The following AGAP1 variants were observed in gnomAD, a reference collection of about 807,000 sequenced individuals.
AGAP1 encodes ArfGAP with GTPase domain, ankyrin repeat and PH domain 1.
In AGAP1, 29 loss-of-function variants were observed where a neutral mutation model predicts 105.3. The ratio of observed to expected loss-of-function variants is 0.28; its 90% CI spans 0.21 to 0.38. The LOEUF (loss-of-function observed/expected upper bound fraction) is 0.38. Among genes scored for constraint, AGAP1 ranks in the 10% least tolerant of loss-of-function variants. The pLI is 1.00. For synonymous variants in AGAP1, 509 were observed against 485.9 expected (o/e 1.05, Z -0.63); for missense variants, 998 against 1,165.1 (o/e 0.86, Z 2.09).
rs13410786 is a variant in AGAP1 at position 235,747,798 on chromosome 2, T to C, written c.539-2556T>C. On this transcript the variant is annotated intron_variant, in intron 5 of 17. Coordinates refer to ENST00000304032, the MANE Select transcript of AGAP1 (RefSeq NM_001037131.3). The surrounding 1 kb of genome is among the most constrained non-coding windows in gnomAD (Gnocchi z 5.0). ...GAGACAAAAGAGGGATCAGGTTGTC[T>C]AGGAAGGCACCTGGCATTTCTCTTC... Among the ~76,000 whole-genome samples the C allele has an allele frequency of 0.021, 3,252 of 152,324 alleles. 101 individuals are homozygous for C. The highest frequency in any genetic ancestry group is 0.067 in the African/African-American group (2,796 of 41,570).
At chr2:235,667,056 G>A (rs1948149780) in intron 1 of AGAP1, among the ~76,000 whole-genome samples, 2 of 152,108 alleles carry the variant, frequency 1.3e-5, no homozygotes, top group Non-Finnish European at 2.9e-5. Flanking sequence ...CAGCTGCAGT[G>A]ATAAAATTTT....
intron 8 of AGAP1, among the ~76,000 whole-genome samples, chr2:235,805,118 G>C (rs1310739268): frequency 6.6e-6 from 1 of 152,208 alleles, no homozygotes; most frequent in Non-Finnish European, 1.5e-5. Flanking sequence ...AAACTCTTTT[G>C]CCTAACATCT....
intron 1 of AGAP1, among the ~76,000 whole-genome samples, chr2:235,521,464 A>G (rs550676003): frequency 2.6e-5 from 4 of 152,314 alleles, no homozygotes; most frequent in African/African-American, 9.6e-5. Context: ...CTCTTCACCT[A>G]TAACTATTTT....
rs76701186 is a variant in AGAP1, at chr2:235,792,062, A to G, written c.674-5697A>G. On this transcript the variant is annotated intron_variant, in intron 6 of 17. Coordinates refer to ENST00000304032, the MANE Select transcript of AGAP1 (RefSeq NM_001037131.3). This position sits in a 1 kb window ranked among gnomAD's most constrained non-coding sequence, Gnocchi z 5.3. ...TTATTGGAGGTGTGGTTCGTACTTTATAATCCCTACCTAACAGTGCTTACT... is the reference window on the plus strand; with the variant it reads ...TTATTGGAGGTGTGGTTCGTACTTTGTAATCCCTACCTAACAGTGCTTACT... 0.033 allele frequency among the ~76,000 whole-genome samples: 4,964 copies of G among 152,250 alleles called. 261 individuals carry two copies. Among genetic ancestry groups the G allele is most frequent in the African/African-American group, 0.11 (4,614 of 41,530 alleles).
chr2:235,683,374 A>C (rs1949194681), intron 1 of AGAP1, among the ~76,000 whole-genome samples: 1 of 152,136 alleles, frequency 6.6e-6, no homozygotes, highest in African/African-American at 2.4e-5. Context: ...TATTTTAGAT[A>C]CCATTGTTTT....
chr2:235,521,179 T>C (rs1559220220), intron 1 of AGAP1, among the ~76,000 whole-genome samples: 1 of 152,220 alleles, frequency 6.6e-6, no homozygotes, highest in Non-Finnish European at 1.5e-5. Flanking sequence ...TTGCTTTTCC[T>C]CTTTAGGGTG....
Position 235,719,959 on chromosome 2 carries a change from C to A in AGAP1, c.310+2315C>A, listed in dbSNP as rs373771582. Among the ~76,000 whole-genome samples the A allele has an allele frequency of 1.3e-5, 2 of 152,166 alleles. No homozygotes were observed. Among genetic ancestry groups the A allele is most frequent in the African/African-American group, 4.8e-5 (2 of 41,444 alleles). The stretch of plus-strand genomic sequence containing the variant: ...ATTCATGCTTCTCATGGCTGAGCCA[C>A]CTTTCCCGTGTAGAACCAAGCAGGT... On this transcript the variant is annotated intron_variant, in intron 3 of 17. Transcript: ENST00000304032. This position sits in a 1 kb window ranked among gnomAD's most constrained non-coding sequence, Gnocchi z 4.9.
intron 16 of AGAP1, among the ~76,000 whole-genome samples, chr2:236,079,290 G>A (rs1385171105): frequency 6.1e-5 from 9 of 147,664 alleles, no homozygotes; most frequent in African/African-American, 1.5e-4. Flanking sequence ...GAGGCCAAGC[G>A]GGAGAGTTTC....
rs1435819910 is a variant in AGAP1 at position 235,856,962 on chromosome 2, G to A, written c.1051-26383G>A. 2.0e-5 allele frequency among the ~76,000 whole-genome samples: 3 copies of A among 152,200 alleles called. No homozygotes were observed. The South Asian group carries it at 6.2e-4, about 32-fold the overall frequency. ...AGTGCCTGAAAGAATGCCGCTGTAG[G>A]GAAACATGAAGACACACACACTCAG... is the stretch of plus-strand genomic sequence containing the variant. On this transcript the variant is annotated intron_variant, in intron 9 of 17. Coordinates refer to ENST00000304032, the MANE Select transcript of AGAP1 (RefSeq NM_001037131.3).
intron 8 of AGAP1, among the ~76,000 whole-genome samples, chr2:235,805,557 AT>A (rs984713609): frequency 3.3e-5 from 5 of 152,036 alleles, no homozygotes; most frequent in African/African-American, 2.4e-5. Context: ...TTAAAAAAAA[AT>A]TTTTTTAATG....
rs187577772 is a variant in AGAP1, at chr2:235,589,940, G to A, written c.163+95091G>A. Among the ~76,000 whole-genome samples the A allele has an allele frequency of 5.3e-3, 804 of 152,064 alleles. 3 individuals are homozygous for A. The highest frequency in any genetic ancestry group is 9.3e-3 in the Non-Finnish European group (631 of 67,974). On this transcript the variant is annotated intron_variant, in intron 1 of 17. Coordinates refer to ENST00000304032, the MANE Select transcript of AGAP1 (RefSeq NM_001037131.3). Reference sequence around the variant, plus strand: ...CTGTCGCCCAGGCTGGAGTGCAGTGGTGCAATCTCAGCTCATGGCAGCCTC... The same window carrying A: ...CTGTCGCCCAGGCTGGAGTGCAGTGATGCAATCTCAGCTCATGGCAGCCTC...
At position 235,787,435 on chromosome 2, in the gene AGAP1, CTCTT is replaced by C. The variant is rs1488188316; in HGVS notation, c.674-10322_674-10319del. On this transcript the variant is annotated intron_variant, in intron 6 of 17. Coordinates refer to ENST00000304032, the MANE Select transcript of AGAP1 (RefSeq NM_001037131.3). The surrounding 1 kb of genome is among the most constrained non-coding windows in gnomAD (Gnocchi z 4.4). Reference sequence around the variant, plus strand: ...TTGTCTGCATCATAGACACACGCCTCTCTTTATAGCACTTTCTATATCCCACATG... The same window carrying C: ...TTGTCTGCATCATAGACACACGCCTCTATAGCACTTTCTATATCCCACATG... Among the ~76,000 whole-genome samples the C allele has an allele frequency of 3.3e-5, 5 of 152,232 alleles. No homozygotes were observed. The highest frequency in any genetic ancestry group is 7.3e-5 in the Non-Finnish European group (5 of 68,044).
At chr2:236,066,570 C>G (rs2058351510) in intron 16 of AGAP1, among the ~76,000 whole-genome samples, 1 of 152,198 alleles carries the variant, frequency 6.6e-6, no homozygotes, top group Non-Finnish European at 1.5e-5. Flanking sequence ...GTCCCAGTAT[C>G]ATGCCATTCT....
At position 235,814,377 on chromosome 2, in the gene AGAP1, G is replaced by A. The variant is rs147082685; in HGVS notation, c.1050+7046G>A. Among the ~76,000 whole-genome samples, 439 of 152,308 alleles carry A rather than the reference G, an allele frequency of 2.9e-3. 2 individuals carry two copies. Among genetic ancestry groups the A allele is most frequent in the East Asian group, 0.02 (103 of 5,172 alleles). ...ATTCCCCTTGAGCTCAGAAATACAA[G>A]CTCTCCTACAAGTAGAGGAAAGATT... On this transcript the variant is annotated intron_variant, in intron 9 of 17. Coordinates refer to ENST00000304032, the MANE Select transcript of AGAP1 (RefSeq NM_001037131.3).
At chr2:236,110,135 A>C (rs140777797) in intron 16 of AGAP1, among the ~76,000 whole-genome samples, 1 of 152,334 alleles carries the variant, frequency 6.6e-6, no homozygotes, top group Non-Finnish European at 1.5e-5. Flanking sequence ...TTCTCCTCTA[A>C]GATGGGGGTA....
In AGAP1 at chr2:235,773,907, T is replaced by TGAA. The variant is rs142218035; in HGVS notation, c.673+23421_673+23422insAGA. 2,690 of 454,388 alleles carry TGAA rather than the reference T, an allele frequency of 5.9e-3. 54 individuals are homozygous for TGAA. Among genetic ancestry groups the TGAA allele is most frequent in the African/African-American group, 0.051 (2,505 of 48,928 alleles). 28.1% of individuals were successfully genotyped at this position (454,388 alleles called of 1,614,324 possible). A position where few individuals can be genotyped will look rare whatever the true frequency, so the allele number is the denominator to read the frequency against. Reference sequence around the variant, plus strand: ...GAGACTTTTTTCTTCTTTTCTTGCTTGAGATATTTTACGTTTGAAGACAAT... The same window carrying TGAA: ...GAGACTTTTTTCTTCTTTTCTTGCTTGAAGAGATATTTTACGTTTGAAGACAAT... On this transcript the variant is annotated intron_variant, in intron 6 of 17. Transcript: ENST00000304032.
At chr2:235,522,040 C>G (rs973219157) in intron 1 of AGAP1, among the ~76,000 whole-genome samples, 1 of 152,122 alleles carries the variant, frequency 6.6e-6, no homozygotes. Context: ...TTGAATACAT[C>G]GGATGTAATC....
intron 1 of AGAP1, among the ~76,000 whole-genome samples, chr2:235,567,616 C>T (rs999106312): frequency 1.3e-5 from 2 of 152,174 alleles, no homozygotes; most frequent in Non-Finnish European, 2.9e-5. Flanking sequence ...GTGTTTTCAA[C>T]CTGCTTCCCA....
At position 235,741,091 on chromosome 2, in the gene AGAP1, G is replaced by A; in HGVS notation, c.396+43G>A. The A allele has an allele frequency of 6.8e-7, 1 of 1,461,978 alleles. No individual in the cohort carries two copies. Among genetic ancestry groups the A allele is most frequent in the Middle Eastern group, 1.9e-4 (1 of 5,172 alleles). 90.6% of individuals were successfully genotyped at this position (1,461,978 alleles called of 1,614,324 possible). On this transcript the variant is annotated intron_variant, in intron 4 of 17. Coordinates refer to ENST00000304032, the MANE Select transcript of AGAP1 (RefSeq NM_001037131.3). This position sits in a 1 kb window ranked among gnomAD's most constrained non-coding sequence, Gnocchi z 4.9. Reference sequence around the variant, plus strand: ...CCCCAAGCCTGCTTTTTTTCCCTTTGTTTTCTAAGGTTTGATTCAAGAAGT... The same window carrying A: ...CCCCAAGCCTGCTTTTTTTCCCTTTATTTTCTAAGGTTTGATTCAAGAAGT...
Sources: gnomAD v4.1 joint callset for allele counts (sites outside exome capture counted in the v4.1 genomes callset) on GRCh38, gnomAD v4.1.1 for gene constraint, Gnocchi (gnomAD v3.1) non-coding constraint, MANE v1.5 for transcripts, NCBI Gene and HGNC (gene_info 2026-07-23, HGNC 2026-07-21) for gene names.